The following SAXO5 variants were observed in gnomAD, a reference collection of about 807,000 sequenced individuals.
The protein encoded by SAXO5 is stabilizer of axonemal microtubules 5.
At chr19:7,502,661 G>A in the SAXO5 span, among the ~76,000 whole-genome samples, 1 of 152,068 alleles carries the variant, frequency 6.6e-6, no homozygotes, top group Non-Finnish European at 1.5e-5. Context: ...AATCAGCTAA[G>A]TTCCCCAGCT....
the SAXO5 span, chr19:7,504,207 G>C: frequency 2.1e-5 from 34 of 1,614,168 alleles, no homozygotes; most frequent in South Asian, 2.7e-4. Flanking sequence ...AGGCCCACCT[G>C]CCTTGAGGTG....
chr19:7,501,279 G>C, the SAXO5 span: 2 of 1,572,852 alleles, frequency 1.3e-6, no homozygotes, highest in Non-Finnish European at 1.7e-6. Context: ...CCTCATCTTC[G>C]ACCGCGACTC....
At chr19:7,507,110 C>G in the SAXO5 span, 1 of 1,613,950 alleles carries the variant, frequency 6.2e-7, no homozygotes, top group African/African-American at 1.3e-5. Context: ...AGAACACCTC[C>G]GGCCCCGGTG....
At chr19:7,504,481 AC>A in the SAXO5 span, 1 of 1,274,068 alleles carries the variant, frequency 7.8e-7, no homozygotes, top group Non-Finnish European at 1.1e-6. Flanking sequence ...GCTGAGGCAG[AC>A]AGATCATGAG....
the SAXO5 span, chr19:7,507,147 G>A: frequency 1.2e-6 from 2 of 1,612,972 alleles, no homozygotes. Flanking sequence ...AGCGGGTAAG[G>A]GAGGCGGAGG....
chr19:7,501,349 T>C, the SAXO5 span: 1 of 1,549,958 alleles, frequency 6.5e-7, no homozygotes, highest in Non-Finnish European at 8.6e-7. Flanking sequence ...CAGGCGCTCT[T>C]TCCACCCCAC....
the SAXO5 span, among the ~76,000 whole-genome samples, chr19:7,498,239 T>G: frequency 4.5e-4 from 68 of 151,376 alleles, 1 homozygote; most frequent in South Asian, 4.8e-3. Flanking sequence ...GTGATGGGGT[T>G]TCGCTCTGTC....
chr19:7,504,987 T>C, the SAXO5 span, among the ~76,000 whole-genome samples: 13 of 133,744 alleles, frequency 9.7e-5, no homozygotes, highest in African/African-American at 3.1e-4. Flanking sequence ...TTTTTTTTTT[T>C]CTTTTTTTTT....
At chr19:7,506,659 C>T in the SAXO5 span, 1 of 349,218 alleles carries the variant, frequency 2.9e-6, no homozygotes, top group Non-Finnish European at 5.4e-6. Flanking sequence ...CCTCCCCTAG[C>T]TCCTCCGTCC....
chr19:7,506,593 T>TCGCCTGGCCCTGCC, the SAXO5 span: 1 of 320,500 alleles, frequency 3.1e-6, no homozygotes, highest in Non-Finnish European at 5.9e-6. Flanking sequence ...GCCCACAGAC[T>TCGCCTGGCCCTGCC]CATCTGGCCC....
the SAXO5 span, chr19:7,505,748 T>C: frequency 9.5e-7 from 1 of 1,048,642 alleles, no homozygotes; most frequent in Non-Finnish European, 1.4e-6. Context: ...CTGGATGTAC[T>C]TGAGTGATCT....
At chr19:7,503,197 T>C in the SAXO5 span, among the ~76,000 whole-genome samples, 1 of 152,222 alleles carries the variant, frequency 6.6e-6, no homozygotes, top group East Asian at 2.0e-4. Flanking sequence ...ACCACATCTC[T>C]ACTAAAAATA....
At chr19:7,501,409 C>A in the SAXO5 span, 1 of 1,473,470 alleles carries the variant, frequency 6.8e-7, no homozygotes, top group Non-Finnish European at 8.9e-7. Context: ...GGTGAGCGCG[C>A]GCCCGGGCTG....
At chr19:7,505,387 C>T in the SAXO5 span, 1 of 1,614,252 alleles carries the variant, frequency 6.2e-7, no homozygotes, top group Middle Eastern at 1.6e-4. Context: ...GTGACGGCCT[C>T]TTCCGCGACA....
the SAXO5 span, chr19:7,500,920 G>T: frequency 2.5e-6 from 4 of 1,583,182 alleles, no homozygotes; most frequent in Non-Finnish European, 3.4e-6. Flanking sequence ...CCTGACCTGC[G>T]GCTGCACGAG....
At chr19:7,502,147 C>T in the SAXO5 span, among the ~76,000 whole-genome samples, 3 of 152,070 alleles carry the variant, frequency 2.0e-5, no homozygotes, top group Admixed American at 6.6e-5. Flanking sequence ...GTCTCTGTCA[C>T]CCAGGCTGGA....
the SAXO5 span, chr19:7,504,384 A>G: frequency 6.2e-7 from 1 of 1,614,120 alleles, no homozygotes; most frequent in Non-Finnish European, 8.5e-7. Flanking sequence ...AAACAGGCCT[A>G]CAGGCCCCAG....
the SAXO5 span, chr19:7,504,424 C>T: frequency 6.2e-7 from 1 of 1,604,338 alleles, no homozygotes; most frequent in South Asian, 1.1e-5. Context: ...ATAAAGGGGC[C>T]ACTGCGGGCA....
At chr19:7,501,269 C>T in the SAXO5 span, 1 of 1,572,616 alleles carries the variant, frequency 6.4e-7, no homozygotes, top group Non-Finnish European at 8.5e-7. Context: ...GCGGCGCGCG[C>T]CTCATCTTCG....
Sources: allele counts gnomAD v4.1 joint callset (sites outside exome capture counted in the v4.1 genomes callset), GRCh38; gene constraint gnomAD v4.1.1; transcripts MANE v1.5; gene names NCBI Gene and HGNC (gene_info 2026-07-23, HGNC 2026-07-21).